Variants in IL19 observed in about 807,000 individuals in gnomAD.
The protein encoded by IL19 is interleukin 19.
Under a neutral mutation model 19.5 loss-of-function variants are expected in IL19, and 15 were observed. The observed-to-expected ratio is 0.77, with a 90% CI of 0.52 to 1.19. IL19 has a LOEUF of 1.19. Among genes scored for constraint, IL19 ranks in the 50% most tolerant of loss-of-function variants. IL19 has a pLI of 0.00. For synonymous variants in IL19, 78 were observed against 78.3 expected, an observed-to-expected ratio of 1.00 and a Z score of 0.02; for missense variants, 199 against 213.1, an observed-to-expected ratio of 0.93 and a Z score of 0.41.
chr1:206,787,264 C>T, intron 1 of IL19, among the ~76,000 whole-genome samples: 1 of 152,202 alleles, frequency 6.6e-6, no homozygotes, highest in East Asian at 1.9e-4. Context: ...CAACCTGACT[C>T]CACTGAGATT....
At chr1:206,773,082 G>A (rs1306162125) in intron 1 of IL19, among the ~76,000 whole-genome samples, 1 of 152,190 alleles carries the variant, frequency 6.6e-6, no homozygotes. Flanking sequence ...GTCACAGGAT[G>A]TGTTCCAGGC....
Position 206,771,388 on chromosome 1 carries a change from A to G in IL19, c.-149+310A>G, listed in dbSNP as rs771126533. On this transcript the variant is annotated intron_variant, in intron 1 of 6. Transcript: ENST00000659997. ...TCCTCCAGCAAGGACTCCTTTAACA[A>G]CAAGTTGTCCAGCTGATCCTTCATT... 1.6e-5 allele frequency: 26 copies of G among 1,613,246 alleles called. No homozygotes were observed. The highest frequency in any genetic ancestry group is 2.2e-5 in the Non-Finnish European group (26 of 1,179,734).
intron 2 of IL19, among the ~76,000 whole-genome samples, chr1:206,821,461 T>G (rs567005219): frequency 6.6e-6 from 1 of 152,282 alleles, no homozygotes; most frequent in East Asian, 1.9e-4. Flanking sequence ...TTGCCAAAGG[T>G]TCTTTTTGCT....
At chr1:206,803,336 C>T (rs1675764621) in intron 2 of IL19, among the ~76,000 whole-genome samples, 1 of 152,090 alleles carries the variant, frequency 6.6e-6, no homozygotes, top group Admixed American at 6.5e-5. Context: ...GTAGGAGTCC[C>T]CATCTTTCGG....
chr1:206,818,180 A>G (rs1299746188), intron 2 of IL19, among the ~76,000 whole-genome samples: 1 of 152,250 alleles, frequency 6.6e-6, no homozygotes, highest in Non-Finnish European at 1.5e-5. Context: ...CCTAATTAAC[A>G]TATATAGAAC....
intron 2 of IL19, among the ~76,000 whole-genome samples, chr1:206,819,439 C>G (rs1676240131): frequency 6.6e-6 from 1 of 151,942 alleles, no homozygotes; most frequent in African/African-American, 2.4e-5. Flanking sequence ...CAAAAATTAG[C>G]CGGGTGTGTT....
chr1:206,840,699 G>A, intron 5 of IL19: 2 of 312,996 alleles, frequency 6.4e-6, no homozygotes, highest in Non-Finnish European at 1.2e-5. Flanking sequence ...TTTAACAAAT[G>A]TTTGTTGAGT....
intron 2 of IL19, among the ~76,000 whole-genome samples, chr1:206,834,850 G>A (rs1211883201): frequency 6.6e-6 from 1 of 152,178 alleles, no homozygotes; most frequent in Non-Finnish European, 1.5e-5. Context: ...TTGTAAGTGG[G>A]GTGGAGTAGC....
intron 1 of IL19, chr1:206,772,417 G>C (rs772299982): frequency 1.2e-6 from 2 of 1,614,088 alleles, no homozygotes; most frequent in Admixed American, 1.7e-5. Flanking sequence ...AGGCAACAGA[G>C]CAGTGCTGAG....
At chr1:206,829,482 G>A (rs979138695) in intron 2 of IL19, among the ~76,000 whole-genome samples, 11 of 152,092 alleles carry the variant, frequency 7.2e-5, no homozygotes, top group East Asian at 1.9e-4. Context: ...GTGAGGCAGC[G>A]GGGCTTTCTA....
intron 1 of IL19, among the ~76,000 whole-genome samples, chr1:206,784,842 T>G (rs1024542067): frequency 6.6e-6 from 1 of 152,254 alleles, no homozygotes; most frequent in African/African-American, 2.4e-5. Flanking sequence ...ATGTCTGTGT[T>G]GCGTTGATGC....
At chr1:206,833,623 G>T in intron 2 of IL19, 1 of 977,306 alleles carries the variant, frequency 1.0e-6, no homozygotes, top group Non-Finnish European at 1.2e-6. Flanking sequence ...ATGTAAAAAG[G>T]TAATTTAGTT....
At chr1:206,781,949 ATATATACATAT>A (rs1675151212) in intron 1 of IL19, among the ~76,000 whole-genome samples, 1 of 86,630 alleles carries the variant, frequency 1.2e-5, no homozygotes, top group African/African-American at 4.0e-5. Flanking sequence ...GTATATAGTT[ATATATACATAT>A]ATATGTATAT....
rs777356639 is a variant in IL19 at position 206,781,861 on chromosome 1, G to GTA, written c.-149+10788_-149+10789dup. On this transcript the variant is annotated intron_variant, in intron 1 of 6. Transcript: ENST00000659997. ...ATGTGGGTTATATATACATATATATGTATATAGTTATATATACATATATAT... is the reference window on the plus strand; with the variant it reads ...ATGTGGGTTATATATACATATATATGTATATATAGTTATATATACATATATAT... 2.5e-3 allele frequency among the ~76,000 whole-genome samples: 320 copies of GTA among 126,868 alleles called. 3 individuals carry two copies. Among genetic ancestry groups the GTA allele is most frequent in the African/African-American group, 3.1e-3 (100 of 32,518 alleles). 83.2% of individuals were successfully genotyped at this position (126,868 alleles called of 152,430 possible). A position where few individuals can be genotyped will look rare whatever the true frequency, so the allele number is the denominator to read the frequency against.
intron 1 of IL19, among the ~76,000 whole-genome samples, chr1:206,786,800 A>G (rs1220892784): frequency 6.6e-6 from 1 of 152,136 alleles, no homozygotes; most frequent in Non-Finnish European, 1.5e-5. Flanking sequence ...TAAAGGCCAC[A>G]TGGAGGTTTA....
intron 1 of IL19, among the ~76,000 whole-genome samples, chr1:206,795,380 C>T (rs1558610101): frequency 6.6e-6 from 1 of 152,164 alleles, no homozygotes; most frequent in Non-Finnish European, 1.5e-5. Flanking sequence ...AAGAACTAGT[C>T]CTGGATGGTG....
At chr1:206,836,085 T>C (rs1428848525) in intron 2 of IL19, among the ~76,000 whole-genome samples, 2 of 152,236 alleles carry the variant, frequency 1.3e-5, no homozygotes, top group Non-Finnish European at 2.9e-5. Flanking sequence ...TAATTAGTTC[T>C]TGAAGATGCC....
chr1:206,836,434 AGGTGGGGGCATGGGGTGAG>A (rs1478785448), intron 2 of IL19, among the ~76,000 whole-genome samples: 2 of 118,658 alleles, frequency 1.7e-5, no homozygotes, highest in Non-Finnish European at 3.5e-5. Flanking sequence ...TCTGGGGTGG[AGGTGGGGGCATGGGGTGAG>A]GGTGGGGAAG....
At chr1:206,779,166 C>T (rs889872751) in intron 1 of IL19, among the ~76,000 whole-genome samples, 2 of 152,208 alleles carry the variant, frequency 1.3e-5, no homozygotes. Context: ...GTTGGTTGCT[C>T]TCCCAGGCTC....
Sources: allele counts gnomAD v4.1 joint callset (sites outside exome capture counted in the v4.1 genomes callset), GRCh38; gene constraint gnomAD v4.1.1; transcripts MANE v1.5; gene names NCBI Gene and HGNC (gene_info 2026-07-23, HGNC 2026-07-21).